BICRAL: variants seen among roughly 807,000 people sequenced by gnomAD.
The protein encoded by BICRAL is BRD4-interacting chromatin-remodeling complex-associated protein-like.
Under a neutral mutation model 91.8 loss-of-function variants are expected in BICRAL, and 8 were observed. The ratio of observed to expected loss-of-function variants is 0.09; its 90% CI spans 0.05 to 0.16. The LOEUF (loss-of-function observed/expected upper bound fraction) is 0.16. Among genes scored for constraint, BICRAL ranks in the 10% least tolerant of loss-of-function variants. BICRAL has a pLI of 1.00. For missense variants in BICRAL, 1,038 were observed against 1,310.9 expected (o/e 0.79, Z 3.21); for synonymous variants, 445 against 491.1 (o/e 0.91, Z 1.24).
chr6:42,800,140 C>CTGCA (rs1763524747), intron 1 of BICRAL, among the ~76,000 whole-genome samples: 1 of 152,112 alleles, frequency 6.6e-6, no homozygotes, highest in Non-Finnish European at 1.5e-5. Context: ...TCTCAGCTGA[C>CTGCA]TGCAACCTCT....
At position 42,828,309 on chromosome 6, in the gene BICRAL, G is replaced by A. The variant is rs528796738; in HGVS notation, c.160-184G>A. On this transcript the variant is annotated intron_variant, in intron 5 of 12. Coordinates refer to ENST00000314073, the MANE Select transcript of BICRAL (RefSeq NM_001393499.1). ...CCAGCTACTGGGGAGGCTGAGGCAG[G>A]AGAATGGCGTGAACCCGGGAGGCGG... is the stretch of plus-strand genomic sequence containing the variant. 3.7e-4 allele frequency among the ~76,000 whole-genome samples: 56 copies of A among 151,656 alleles called. No individual in the cohort carries two copies. In the East Asian group the frequency reaches 0.011, roughly 29 times the overall value.
At chr6:42,755,911 A>C (rs11754681) in intron 1 of BICRAL, among the ~76,000 whole-genome samples, 58,445 of 151,624 alleles carry the variant, frequency 0.39, 11,726 homozygotes, top group African/African-American at 0.5. Flanking sequence ...TGAGCTCAGG[A>C]AATCCACCCA....
intron 1 of BICRAL, among the ~76,000 whole-genome samples, chr6:42,782,527 C>T (rs1321012378): frequency 1.4e-5 from 2 of 144,478 alleles, no homozygotes; most frequent in South Asian, 2.2e-4. Flanking sequence ...CCGGGGGCGC[C>T]TCGGCGGGGT....
At chr6:42,763,548 C>A (rs529955251) in intron 1 of BICRAL, among the ~76,000 whole-genome samples, 2 of 152,064 alleles carry the variant, frequency 1.3e-5, no homozygotes, top group Non-Finnish European at 2.9e-5. Context: ...CAGCTGGGTG[C>A]GGTGGCTCAC....
At position 42,865,465 on chromosome 6, in the gene BICRAL, T is replaced by TACCCCGCCCCGAG. The variant is rs777926851; in HGVS notation, c.*25_*37dup. 8 of 1,470,424 alleles carry TACCCCGCCCCGAG rather than the reference T, an allele frequency of 5.4e-6. No homozygotes were observed. In the African/African-American group the frequency reaches 5.6e-5, roughly 10 times the overall value. 91.1% of individuals were successfully genotyped at this position (1,470,424 alleles called of 1,614,324 possible). On this transcript the variant is annotated 3_prime_UTR_variant, in exon 13 of 13. Transcript: ENST00000314073. ...GTGTTAATAGCAGCAGTCCTCCCCC[T>TACCCCGCCCCGAG]ACCCCGCCCCGAGACCCCACCCCGA... is the stretch of plus-strand genomic sequence containing the variant.
intron 1 of BICRAL, among the ~76,000 whole-genome samples, chr6:42,786,915 G>A (rs529352447): frequency 3.1e-4 from 43 of 137,604 alleles, no homozygotes; most frequent in African/African-American, 1.2e-3. Context: ...CCTATAGGTC[G>A]TCTTGTATTA....
rs1315241886 is a variant in BICRAL at position 42,828,482 on chromosome 6, T to A, written c.160-11T>A. The stretch of plus-strand genomic sequence containing the variant: ...TACATATGCCATGTAACATACTGTT[T>A]ATTTTTTTAGAATGCTGATCCTAAG... On this transcript the variant is annotated splice_polypyrimidine_tract_variant and intron_variant, in intron 5 of 12. Transcript: ENST00000314073. 2.5e-6 allele frequency: 4 copies of A among 1,599,616 alleles called. No individual in the cohort carries two copies. The highest frequency in any genetic ancestry group is 3.4e-6 in the Non-Finnish European group (4 of 1,173,796).
At chr6:42,850,924 C>T (rs1765159308) in intron 6 of BICRAL, among the ~76,000 whole-genome samples, 1 of 151,818 alleles carries the variant, frequency 6.6e-6, no homozygotes, top group South Asian at 2.1e-4. Flanking sequence ...GGTGTGGTGG[C>T]TCATGCCTGT....
chr6:42,759,544 AAGCAAG>A (rs1193487371), intron 1 of BICRAL, among the ~76,000 whole-genome samples: 11 of 152,310 alleles, frequency 7.2e-5, no homozygotes, highest in African/African-American at 2.6e-4. Flanking sequence ...GATTAACTGG[AAGCAAG>A]AGTTGTAGAA....
At chr6:42,852,365 T>C in intron 7 of BICRAL, 168 bp downstream of exon 7, 1 of 700,728 alleles carries the variant, frequency 1.4e-6, no homozygotes, top group Non-Finnish European at 2.6e-6. Flanking sequence ...TTGCATCAAC[T>C]CTAAGATAGC....
At chr6:42,837,531 C>T (rs1562487068) in intron 6 of BICRAL, among the ~76,000 whole-genome samples, 1 of 151,774 alleles carries the variant, frequency 6.6e-6, no homozygotes, top group Non-Finnish European at 1.5e-5. Flanking sequence ...GCAGGTGGAT[C>T]ACCTGAGGTC....
chr6:42,780,742 GTTTT>G (rs1427283382), upstream of BICRAL, among the ~76,000 whole-genome samples: 5 of 127,948 alleles, frequency 3.9e-5, no homozygotes, highest in South Asian at 8.4e-4. Flanking sequence ...TGTTGTTGTT[GTTTT>G]GTTTTGTTTT....
Position 42,790,475 on chromosome 6 carries a change from C to T in BICRAL, c.-102+8374C>T, listed in dbSNP as rs146953161. ...ACAGGCGTGAGCCACTGCATCCTGC[C>T]GAGAAAATCATTTTTTATTTAAATA... On this transcript the variant is annotated intron_variant, in intron 1 of 12. Coordinates refer to ENST00000314073, the MANE Select transcript of BICRAL (RefSeq NM_001393499.1). Among the ~76,000 whole-genome samples, 7 of 151,298 alleles carry T rather than the reference C, an allele frequency of 4.6e-5. No homozygotes were observed. The East Asian group carries it at 5.8e-4, about 13-fold the overall frequency.
At chr6:42,847,367 TGA>T (rs1319564385) in intron 6 of BICRAL, among the ~76,000 whole-genome samples, 4 of 152,228 alleles carry the variant, frequency 2.6e-5, no homozygotes, top group Admixed American at 6.5e-5. Context: ...CCTAGTTTGC[TGA>T]GAGTTTTTTT....
chr6:42,795,359 A>T (rs1281520623), intron 1 of BICRAL, among the ~76,000 whole-genome samples: 2 of 152,182 alleles, frequency 1.3e-5, no homozygotes, highest in Non-Finnish European at 2.9e-5. Context: ...TGAACCTGGG[A>T]GGTGGAGGTT....
chr6:42,749,263 C>A (rs927804837), intron 1 of BICRAL, among the ~76,000 whole-genome samples: 2 of 152,270 alleles, frequency 1.3e-5, no homozygotes, highest in Non-Finnish European at 2.9e-5. Flanking sequence ...CAACTGCCAA[C>A]TGATGTTAAG....
At chr6:42,782,643 G>A (rs1213365406) in intron 1 of BICRAL, among the ~76,000 whole-genome samples, 2 of 150,850 alleles carry the variant, frequency 1.3e-5, no homozygotes, top group East Asian at 2.0e-4. Context: ...GCGGTTGGTG[G>A]TGGGGAGGGG....
rs796400023 is a variant in BICRAL, at chr6:42,831,745, C to CCTT, written c.1839+1573_1839+1574insCTT. 1.5e-3 allele frequency among the ~76,000 whole-genome samples: 213 copies of CCTT among 144,816 alleles called. No homozygotes were observed. The East Asian group carries it at 0.026, about 18-fold the overall frequency. On this transcript the variant is annotated intron_variant, in intron 6 of 12. Transcript: ENST00000314073. ...TATATACGTCAACATATTTCAAAAT[C>CCTT]TTTTTTTTTTTTTGAGACAGTCTCA... is the stretch of plus-strand genomic sequence containing the variant.
chr6:42,850,271 A>G (rs535066963), intron 6 of BICRAL, among the ~76,000 whole-genome samples: 1 of 151,930 alleles, frequency 6.6e-6, no homozygotes, highest in East Asian at 2.0e-4. Context: ...TGTAATCCCA[A>G]CACTTTGGGA....
Sources: gnomAD v4.1 joint callset for allele counts (sites outside exome capture counted in the v4.1 genomes callset) on GRCh38, gnomAD v4.1.1 for gene constraint, MANE v1.5 for transcripts, NCBI Gene and HGNC (gene_info 2026-07-23, HGNC 2026-07-21) for gene names.